GRIP1: variants seen among roughly 807,000 people sequenced by gnomAD.
GRIP1 encodes glutamate receptor interacting protein 1.
Under a neutral mutation model 129.9 loss-of-function variants are expected in GRIP1, and 45 were observed. That is an observed-to-expected ratio of 0.35 (90% CI 0.27 to 0.44). GRIP1 has a LOEUF of 0.44. Ranked by LOEUF, GRIP1 falls within the 20% of genes least tolerant of loss-of-function variation. The pLI is 1.00. For synonymous variants in GRIP1, 530 were observed against 520.8 expected, an observed-to-expected ratio of 1.02 and a Z score of -0.24; for missense variants, 1,196 against 1,396.8, an observed-to-expected ratio of 0.86 and a Z score of 2.29.
intron 1 of GRIP1, among the ~76,000 whole-genome samples, chr12:67,059,270 A>G (rs896367773): frequency 3.9e-5 from 6 of 152,142 alleles, no homozygotes; most frequent in Admixed American, 2.6e-4. Flanking sequence ...CCTCGGTAGA[A>G]GGTCACAAAC....
intron 1 of GRIP1, among the ~76,000 whole-genome samples, chr12:66,847,969 T>C (rs1309459192): frequency 1.3e-5 from 2 of 152,206 alleles, no homozygotes; most frequent in Non-Finnish European, 2.9e-5. Flanking sequence ...ATTTTGATTC[T>C]TGCATTGGTC....
intron 1 of GRIP1, among the ~76,000 whole-genome samples, chr12:66,771,998 A>G (rs773665849): frequency 6.6e-6 from 1 of 152,252 alleles, no homozygotes; most frequent in Non-Finnish European, 1.5e-5. Context: ...AATAAAGGCG[A>G]TAACTAAATA....
intron 13 of GRIP1, among the ~76,000 whole-genome samples, chr12:66,440,608 G>C (rs935183984): frequency 6.6e-6 from 1 of 152,100 alleles, no homozygotes; most frequent in Non-Finnish European, 1.5e-5. Context: ...AAATTCATAA[G>C]AGGTCTTCTA....
At chr12:66,758,634 C>T (rs562096688) in intron 1 of GRIP1, among the ~76,000 whole-genome samples, 1 of 152,244 alleles carries the variant, frequency 6.6e-6, no homozygotes, top group South Asian at 2.1e-4. Flanking sequence ...TATGAGCCTG[C>T]AAAATCAAAA....
chr12:66,804,191 A>G, upstream of GRIP1: 1 of 454,696 alleles, frequency 2.2e-6, no homozygotes, highest in South Asian at 1.6e-5. Flanking sequence ...TCCATCTCTT[A>G]CTCACCGTGC....
intron 1 of GRIP1, among the ~76,000 whole-genome samples, chr12:66,774,206 G>A (rs1350296832): frequency 6.6e-6 from 1 of 152,128 alleles, no homozygotes; most frequent in African/African-American, 2.4e-5. Context: ...CCTCTAATTT[G>A]CCATCCATAG....
At chr12:66,572,049 T>G (rs2062977729) in intron 2 of GRIP1, among the ~76,000 whole-genome samples, 1 of 152,210 alleles carries the variant, frequency 6.6e-6, no homozygotes, top group Non-Finnish European at 1.5e-5. Flanking sequence ...CCCACACTTC[T>G]GGATTCTGTG....
At chr12:66,951,298 A>G (rs1412038722) in intron 1 of GRIP1, among the ~76,000 whole-genome samples, 1 of 152,206 alleles carries the variant, frequency 6.6e-6, no homozygotes, top group African/African-American at 2.4e-5. Flanking sequence ...TAAACTGAGA[A>G]CTTAAGGATG....
chr12:66,849,174 A>G (rs373663011), intron 1 of GRIP1, among the ~76,000 whole-genome samples: 1 of 152,016 alleles, frequency 6.6e-6, no homozygotes. Context: ...GACAGCTACA[A>G]TTCATACCTC....
intron 1 of GRIP1, among the ~76,000 whole-genome samples, chr12:66,744,852 C>T (rs552039779): frequency 1.4e-4 from 21 of 152,254 alleles, no homozygotes; most frequent in African/African-American, 5.1e-4. Flanking sequence ...ATATTACAGA[C>T]AGTTCTATTA....
intron 1 of GRIP1, among the ~76,000 whole-genome samples, chr12:67,007,251 A>T (rs1369035889): frequency 6.6e-6 from 1 of 152,184 alleles, no homozygotes. Flanking sequence ...CACAAGAAGT[A>T]AAAAAGAACA....
At chr12:66,388,606 G>A (rs2056457276) in intron 19 of GRIP1, among the ~76,000 whole-genome samples, 1 of 152,236 alleles carries the variant, frequency 6.6e-6, no homozygotes, top group Non-Finnish European at 1.5e-5. Flanking sequence ...AAGGGCATGA[G>A]GCATCTAATG....
At chr12:66,967,827 T>C (rs966801016) in intron 1 of GRIP1, among the ~76,000 whole-genome samples, 1 of 152,228 alleles carries the variant, frequency 6.6e-6, no homozygotes, top group Non-Finnish European at 1.5e-5. Flanking sequence ...TTCTATTCTT[T>C]AAAATTTGTT....
At position 66,347,645 on chromosome 12, in the gene GRIP1, A is replaced by C. The variant is rs2054028091; in HGVS notation, c.*1374T>G. The C allele has an allele frequency of 6.6e-6, 1 of 152,112 alleles. No individual in the cohort carries two copies. The highest frequency in any genetic ancestry group is 2.1e-4 in the South Asian group (1 of 4,828). The allele number at this position is 152,112 out of a possible 1,614,324, so 9.4% of individuals were successfully genotyped here. A position where few individuals can be genotyped will look rare whatever the true frequency, so the allele number is the denominator to read the frequency against. ...ACAAATAAAAATACATATTTAAGTG[A>C]CTCATGATCTTTTTTTCTTTTTTCT... On this transcript the variant is annotated 3_prime_UTR_variant, in exon 25 of 25. Coordinates refer to ENST00000359742, the MANE Select transcript of GRIP1 (RefSeq NM_001366722.1).
chr12:66,445,452 T>G lies in GRIP1; in HGVS notation c.1411A>C (p.Thr471Pro). The stretch of plus-strand genomic sequence containing the variant: ...GGATCTGCCGTCAGCACAACCTCTG[T>G]GGTTTCTGTGTGAACAACCTGCCCA... ...LAGQVVHTET[T>P]EVVLTADPVT... Residue 471 changes from threonine (T) to proline (P), a missense_variant, in exon 12 of 25, where the codon ACA (threonine) becomes CCA (proline). By Grantham distance (38) the Thr-to-Pro change is conservative. Around this residue, in one of 5 missense-constraint regions of GRIP1, gnomAD observed 508 missense variants for 587.0 expected, o/e 0.87. Coordinates refer to ENST00000359742, the MANE Select transcript of GRIP1 (RefSeq NM_001366722.1). 1 of 1,614,136 alleles carries G rather than the reference T, an allele frequency of 6.2e-7. No homozygotes were observed. The highest frequency in any genetic ancestry group is 8.5e-7 in the Non-Finnish European group (1 of 1,179,980).
intron 1 of GRIP1, among the ~76,000 whole-genome samples, chr12:66,967,685 T>G (rs564998450): frequency 6.8e-4 from 103 of 152,288 alleles, no homozygotes; most frequent in Middle Eastern, 3.4e-3. Flanking sequence ...ATTTATCTTG[T>G]GACCTCTTCA....
chr12:66,986,313 C>T (rs2042310212), intron 1 of GRIP1, among the ~76,000 whole-genome samples: 1 of 152,012 alleles, frequency 6.6e-6, no homozygotes, highest in Non-Finnish European at 1.5e-5. Context: ...TTTGACCCAG[C>T]CATCCCATTA....
intron 1 of GRIP1, among the ~76,000 whole-genome samples, chr12:66,950,856 C>A (rs2041745736): frequency 6.6e-6 from 1 of 152,162 alleles, no homozygotes; most frequent in Non-Finnish European, 1.5e-5. Context: ...GTAGGTTGGT[C>A]ATTATATTCA....
At chr12:66,477,060 T>C (rs2059638848) in intron 7 of GRIP1, among the ~76,000 whole-genome samples, 1 of 152,134 alleles carries the variant, frequency 6.6e-6, no homozygotes, top group African/African-American at 2.4e-5. Flanking sequence ...ATAAAGGGTA[T>C]TCAATTAGGA....
Sources: gnomAD v4.1 joint callset for allele counts (sites outside exome capture counted in the v4.1 genomes callset) on GRCh38, gnomAD v4.1.1 for gene constraint, gnomAD v4.1.1 regional missense constraint, MANE v1.5 for transcripts, NCBI Gene and HGNC (gene_info 2026-07-23, HGNC 2026-07-21) for gene names.